DOCK5: variants seen among roughly 807,000 people sequenced by gnomAD.
DOCK5 encodes dedicator of cytokinesis 5.
In DOCK5, 142 loss-of-function variants were observed where a neutral mutation model predicts 251.8. That is an observed-to-expected ratio of 0.56 (90% CI 0.49 to 0.65). The LOEUF is 0.65. DOCK5 is among the 30% of genes least tolerant of loss of function. DOCK5 has a pLI of 0.00. For missense variants in DOCK5, 2,111 were observed against 2,312.3 expected, an observed-to-expected ratio of 0.91 and a Z score of 1.79; for synonymous variants, 842 against 835.5, an observed-to-expected ratio of 1.01 and a Z score of -0.13.
intron 8 of DOCK5, among the ~76,000 whole-genome samples, chr8:25,300,314 A>C (rs1804729293): frequency 6.6e-6 from 1 of 152,204 alleles, no homozygotes; most frequent in Admixed American, 6.5e-5. Context: ...GTCTGTGCCC[A>C]CCAGGAGCAG....
chr8:25,235,635 T>C (rs995514707), intron 1 of DOCK5, among the ~76,000 whole-genome samples: 4 of 152,182 alleles, frequency 2.6e-5, no homozygotes, highest in African/African-American at 9.7e-5. Flanking sequence ...GTCATATTCA[T>C]GTAAATGATG....
chr8:25,286,981 C>G (rs1292660438), intron 5 of DOCK5, among the ~76,000 whole-genome samples: 1 of 152,176 alleles, frequency 6.6e-6, no homozygotes, highest in Non-Finnish European at 1.5e-5. Context: ...CTACCCATCC[C>G]TGTGGTCTGC....
chr8:25,253,506 T>C (rs1803330728), intron 2 of DOCK5, among the ~76,000 whole-genome samples: 1 of 152,178 alleles, frequency 6.6e-6, no homozygotes, highest in South Asian at 2.1e-4. Context: ...GCATAACCTT[T>C]ATTTTTTTTA....
intron 40 of DOCK5, among the ~76,000 whole-genome samples, chr8:25,385,562 G>A (rs920140743): frequency 3.3e-5 from 5 of 152,140 alleles, no homozygotes. Flanking sequence ...AGTCACAGAG[G>A]AGAGAATGAA....
intron 27 of DOCK5, among the ~76,000 whole-genome samples, chr8:25,352,406 T>A (rs1800487860): frequency 6.6e-6 from 1 of 152,074 alleles, no homozygotes; most frequent in Admixed American, 6.6e-5. Flanking sequence ...GTTAGCATGC[T>A]TGTGGAAAGG....
At chr8:25,243,421 C>T (rs1159491642) in intron 1 of DOCK5, among the ~76,000 whole-genome samples, 3 of 150,926 alleles carry the variant, frequency 2.0e-5, no homozygotes, top group African/African-American at 7.4e-5. Flanking sequence ...ATCTCTGCTG[C>T]CCGGGTTCAA....
At chr8:25,189,473 G>C (rs958163219) in intron 1 of DOCK5, among the ~76,000 whole-genome samples, 2 of 152,046 alleles carry the variant, frequency 1.3e-5, no homozygotes, top group Non-Finnish European at 2.9e-5. Context: ...TGACCCTCCA[G>C]CCTCAGCCCG....
intron 2 of DOCK5, among the ~76,000 whole-genome samples, chr8:25,260,977 G>GT (rs997888270): frequency 1.1e-4 from 17 of 151,808 alleles, no homozygotes; most frequent in African/African-American, 4.1e-4. Context: ...TTTATTTTTA[G>GT]TTTTTTGTGG....
chr8:25,390,144 G>T (rs1274042901), intron 41 of DOCK5, 62 bp from the exon 42 acceptor site: 12 of 1,423,598 alleles, frequency 8.4e-6, no homozygotes, highest in Non-Finnish European at 1.2e-5. Flanking sequence ...AGGAACAGGG[G>T]TGTTTGGTGT....
At chr8:25,395,881 T>A in intron 45 of DOCK5, 162 bp downstream of exon 45, 1 of 927,446 alleles carries the variant, frequency 1.1e-6, no homozygotes, top group South Asian at 1.4e-5. Context: ...TGTCCCTGAC[T>A]TCTTAGAGAC....
intron 5 of DOCK5, among the ~76,000 whole-genome samples, chr8:25,288,589 C>T (rs965580688): frequency 4.6e-5 from 7 of 152,190 alleles, no homozygotes; most frequent in African/African-American, 1.4e-4. Context: ...AGCCTTTGAA[C>T]CCTTTCTTTA....
intron 3 of DOCK5, among the ~76,000 whole-genome samples, chr8:25,270,542 G>GA (rs1445346570): frequency 4.7e-5 from 7 of 150,336 alleles, no homozygotes; most frequent in East Asian, 3.9e-4. Flanking sequence ...CCTTTTTTAA[G>GA]AAAAAAAAAG....
chr8:25,189,754 C>G (rs1248534136), intron 1 of DOCK5, among the ~76,000 whole-genome samples: 1 of 152,236 alleles, frequency 6.6e-6, no homozygotes, highest in Non-Finnish European at 1.5e-5. Context: ...GGAAATATTA[C>G]TAGTTAGCTC....
chr8:25,342,553 G>C (rs1369500160), intron 25 of DOCK5, 46 bp downstream of exon 25: 5 of 1,431,728 alleles, frequency 3.5e-6, no homozygotes, highest in Admixed American at 2.0e-5. Context: ...AGTGAGCTGA[G>C]ATTGCACCAT....
chr8:25,386,980 G>C (rs757597027), intron 40 of DOCK5, among the ~76,000 whole-genome samples: 5 of 152,170 alleles, frequency 3.3e-5, no homozygotes, highest in Non-Finnish European at 7.3e-5. Context: ...GTAGTTTAGA[G>C]ATGTTAACAT....
chr8:25,390,829 A>T (rs989779137), intron 42 of DOCK5, among the ~76,000 whole-genome samples: 21 of 148,278 alleles, frequency 1.4e-4, no homozygotes, highest in Non-Finnish European at 2.8e-4. Context: ...TTTTTTTTTG[A>T]GACGGAATCT....
intron 40 of DOCK5, among the ~76,000 whole-genome samples, chr8:25,383,631 G>C (rs1379596487): frequency 6.6e-6 from 1 of 152,166 alleles, no homozygotes; most frequent in Non-Finnish European, 1.5e-5. Context: ...GAGGCAGGCA[G>C]ATCACTTGAC....
intron 27 of DOCK5, among the ~76,000 whole-genome samples, 169 bp from the exon 28 acceptor site, chr8:25,358,794 C>T (rs1276075214): frequency 6.6e-6 from 1 of 152,156 alleles, no homozygotes; most frequent in East Asian, 1.9e-4. Context: ...GAAGCAGAAA[C>T]CGCAAAGCAC....
chr8:25,260,414 T>C (rs1563328602), intron 2 of DOCK5, among the ~76,000 whole-genome samples: 1 of 151,648 alleles, frequency 6.6e-6, no homozygotes, highest in Non-Finnish European at 1.5e-5. Flanking sequence ...ATAGCTCTTT[T>C]ATGTGTGTAC....
Sources: gnomAD v4.1 joint callset for allele counts (sites outside exome capture counted in the v4.1 genomes callset) on GRCh38, gnomAD v4.1.1 for gene constraint, MANE v1.5 for transcripts, NCBI Gene and HGNC (gene_info 2026-07-23, HGNC 2026-07-21) for gene names.